Variants in PTPN13 observed in about 807,000 individuals in gnomAD.
PTPN13 encodes the protein tyrosine-protein phosphatase non-receptor type 13.
A neutral mutation model predicts 284.0 loss-of-function variants in PTPN13; 191 were observed. The observed-to-expected ratio is 0.67, with a 90% CI of 0.60 to 0.76. The LOEUF is 0.76. Ranked by LOEUF, PTPN13 falls within the 30% of genes least tolerant of loss-of-function variation. PTPN13 has a pLI of 0.00. For missense variants in PTPN13, 2,797 were observed against 2,939.9 expected (o/e 0.95, Z 1.12); for synonymous variants, 986 against 1,022.3 (o/e 0.96, Z 0.68).
chr4:86,701,072 G>GT (rs1346733594), intron 6 of PTPN13, among the ~76,000 whole-genome samples, 169 bp from the exon 7 acceptor site: 3 of 152,160 alleles, frequency 2.0e-5, no homozygotes, highest in Admixed American at 6.5e-5. Context: ...TGCAAACATA[G>GT]TATCTCTTTC....
intron 2 of PTPN13, among the ~76,000 whole-genome samples, chr4:86,669,285 G>GTATA (rs34939020): frequency 0.11 from 11,992 of 112,496 alleles, 670 homozygotes; most frequent in Admixed American, 0.13. Context: ...GGAAGAAGAT[G>GTATA]TATATATATA....
At chr4:86,616,620 T>C (rs568808373) in intron 1 of PTPN13, among the ~76,000 whole-genome samples, 2 of 151,958 alleles carry the variant, frequency 1.3e-5, no homozygotes, top group Non-Finnish European at 2.9e-5. Flanking sequence ...TTGCTCTGGG[T>C]TCATACGAGG....
intron 38 of PTPN13, 72 bp from the exon 39 acceptor site, chr4:86,785,159 G>T: frequency 8.2e-7 from 1 of 1,224,322 alleles, no homozygotes; most frequent in Non-Finnish European, 1.1e-6. Flanking sequence ...AGCAAATTCT[G>T]TTTAACACCT....
Position 86,689,077 on chromosome 4 carries a change from T to C in PTPN13, c.433T>C (p.Ser145Pro). 1 of 1,599,028 alleles carries C rather than the reference T, an allele frequency of 6.3e-7. No homozygotes were observed. Among genetic ancestry groups the C allele is most frequent in the Non-Finnish European group, 8.6e-7 (1 of 1,166,254 alleles). Residue 145 changes from serine to proline, a missense_variant, in exon 5 of 48, where the codon TCT becomes CCT. Coordinates refer to ENST00000411767, the MANE Select transcript of PTPN13 (RefSeq NM_080683.3). ...TGAGGATGTTATTTACGCTCGAGTT[T>C]CTGTTCGGACTGTGCTGGATGCTTG... Reference protein sequence around the residue: ...MCEDVIYARVSVRTVLDACSA... With the variant: ...MCEDVIYARVPVRTVLDACSA...
chr4:86,725,884 G>A (rs911613545), intron 10 of PTPN13, among the ~76,000 whole-genome samples: 1 of 149,456 alleles, frequency 6.7e-6, no homozygotes, highest in African/African-American at 2.4e-5. Flanking sequence ...TAGTCATGAA[G>A]TCCTTACCCA....
chr4:86,632,493 C>A (rs1006818321), intron 1 of PTPN13, among the ~76,000 whole-genome samples: 1 of 152,120 alleles, frequency 6.6e-6, no homozygotes, highest in African/African-American at 2.4e-5. Context: ...TCTTCACAAT[C>A]CTTCACTGGA....
rs754123952 is a variant in PTPN13 at position 86,741,594 on chromosome 4, T to C, written c.2305-40T>C. ...GCTTCAATATCTTTATGTCACCATT[T>C]ACCAAAGTGTATTGCTATGGTATGG... On this transcript the variant is annotated intron_variant, in intron 15 of 47. Coordinates refer to ENST00000411767, the MANE Select transcript of PTPN13 (RefSeq NM_080683.3). 6 of 1,551,864 alleles carry C rather than the reference T, an allele frequency of 3.9e-6. No individual in the cohort carries two copies. In the African/African-American group the frequency reaches 8.2e-5, roughly 21 times the overall value.
chr4:86,750,828 T>A lies in PTPN13; in HGVS notation c.3009T>A (p.Pro1003=). Residue 1003 remains proline, a synonymous_variant, in exon 18 of 48, where the codon CCT becomes CCA. Coordinates refer to ENST00000411767, the MANE Select transcript of PTPN13 (RefSeq NM_080683.3). ...PQTVAELVGK[P]SHQMSRSDAE... ...CCGTTGCAGAGTTGGTGGGAAAACC[T>A]TCTCACCAGATGTCAAGATCTGATG... The A allele has an allele frequency of 1.2e-6, 2 of 1,613,714 alleles. No homozygotes were observed. The highest frequency in any genetic ancestry group is 8.5e-7 in the Non-Finnish European group (1 of 1,179,732).
chr4:86,763,036 C>G lies in PTPN13; in HGVS notation c.3863C>G (p.Ser1288Cys), dbSNP rs1291500302. The G allele has an allele frequency of 6.2e-7, 1 of 1,613,370 alleles. No individual in the cohort carries two copies. Among genetic ancestry groups the G allele is most frequent in the Non-Finnish European group, 8.5e-7 (1 of 1,179,784 alleles). The change falls in exon 24 of 48, where the codon TCC becomes TGC. Residue 1288 changes from serine (S) to cysteine (C), a missense_variant. Transcript: ENST00000411767. The part of the protein sequence containing the change: ...QHGSPSPSVI[S>C]KATEKETFTD... ...GGCAGCCCTTCCCCATCTGTAATAT[C>G]CAAAGCCACCGAGAAAGAGACTTTC...
intron 43 of PTPN13, among the ~76,000 whole-genome samples, chr4:86,804,489 G>C (rs1744441493): frequency 6.6e-6 from 1 of 152,120 alleles, no homozygotes; most frequent in Non-Finnish European, 1.5e-5. Flanking sequence ...GTTATAGATT[G>C]TGAAACTGAG....
intron 2 of PTPN13, among the ~76,000 whole-genome samples, chr4:86,636,798 G>C (rs961363968): frequency 2.4e-4 from 36 of 152,086 alleles, no homozygotes; most frequent in Non-Finnish European, 5.0e-4. Flanking sequence ...ACATTCAAAA[G>C]CTACCAGAAG....
At chr4:86,666,097 C>G (rs1727041335) in intron 2 of PTPN13, among the ~76,000 whole-genome samples, 1 of 152,074 alleles carries the variant, frequency 6.6e-6, no homozygotes, top group African/African-American at 2.4e-5. Context: ...GGCTAAATAA[C>G]TCACTGAAGA....
chr4:86,768,039 T>C (rs1209950225), intron 28 of PTPN13, 63 bp downstream of exon 28: 1 of 1,482,526 alleles, frequency 6.7e-7, no homozygotes, highest in Non-Finnish European at 9.1e-7. Context: ...AAAATTTGAT[T>C]TTTACATGTT....
At chr4:86,597,140 G>A (rs570375480) in intron 1 of PTPN13, among the ~76,000 whole-genome samples, 2 of 150,784 alleles carry the variant, frequency 1.3e-5, no homozygotes, top group East Asian at 3.9e-4. Flanking sequence ...TGATGGAAAT[G>A]ACGAGAATCT....
chr4:86,756,728 A>G (rs1159823235), intron 20 of PTPN13, among the ~76,000 whole-genome samples: 1 of 152,162 alleles, frequency 6.6e-6, no homozygotes, highest in East Asian at 1.9e-4. Context: ...TTAAGCATCA[A>G]TACAAGTTTT....
At chr4:86,737,707 G>A (rs1011299465) in intron 15 of PTPN13, among the ~76,000 whole-genome samples, 8 of 149,724 alleles carry the variant, frequency 5.3e-5, no homozygotes, top group Non-Finnish European at 1.0e-4. Context: ...AGTCTTTTAT[G>A]TCTGGCTTCT....
chr4:86,737,448 A>G (rs1177211698), intron 15 of PTPN13, among the ~76,000 whole-genome samples: 1 of 152,008 alleles, frequency 6.6e-6, no homozygotes, highest in East Asian at 1.9e-4. Context: ...CATTCATACT[A>G]TAACAGCAAA....
intron 45 of PTPN13, among the ~76,000 whole-genome samples, chr4:86,809,097 A>G (rs994306906): frequency 1.3e-5 from 2 of 152,136 alleles, no homozygotes; most frequent in Non-Finnish European, 2.9e-5. Context: ...GAAAGTGGCC[A>G]TGGGGAAAGA....
intron 7 of PTPN13, among the ~76,000 whole-genome samples, chr4:86,712,610 G>C (rs939001114): frequency 6.6e-6 from 1 of 151,934 alleles, no homozygotes; most frequent in Non-Finnish European, 1.5e-5. Context: ...AAAGAAAAAA[G>C]TCTTTCTACC....
Sources: allele counts gnomAD v4.1 joint callset (sites outside exome capture counted in the v4.1 genomes callset), GRCh38; gene constraint gnomAD v4.1.1; transcripts MANE v1.5; gene names NCBI Gene and HGNC (gene_info 2026-07-23, HGNC 2026-07-21).